Variants in NBAS observed in about 807,000 individuals in gnomAD.
NBAS encodes NBAS subunit of NRZ tethering complex, also known as NAG/BC035112 fusion.
In NBAS, 219 loss-of-function variants were observed where a neutral mutation model predicts 302.5. The observed-to-expected ratio is 0.72, with a 90% CI of 0.65 to 0.81. The LOEUF (loss-of-function observed/expected upper bound fraction) is 0.81. Ranked by LOEUF, NBAS falls within the 30% of genes least tolerant of loss-of-function variation. The probability of loss-of-function intolerance (pLI) is 0.00; values close to 1 mark genes in which losing one functional copy is unlikely to be tolerated. For synonymous variants in NBAS, 1,118 were observed against 1,021.6 expected (o/e 1.09, Z -1.80); for missense variants, 2,932 against 2,841.6 (o/e 1.03, Z -0.72).
chr2:15,322,436 T>C (rs1164870884), intron 38 of NBAS, among the ~76,000 whole-genome samples: 2 of 152,026 alleles, frequency 1.3e-5, no homozygotes, highest in Non-Finnish European at 2.9e-5. Context: ...CAGAAATCTA[T>C]GCTTAAGCCT....
At chr2:15,378,487 A>C (rs945783479) in intron 30 of NBAS, among the ~76,000 whole-genome samples, 2 of 152,202 alleles carry the variant, frequency 1.3e-5, no homozygotes, top group Admixed American at 1.3e-4. Flanking sequence ...TTACATCCCA[A>C]TAAACCCATT....
intron 6 of NBAS, among the ~76,000 whole-genome samples, chr2:15,541,571 T>C (rs975859469): frequency 3.3e-5 from 5 of 152,066 alleles, no homozygotes; most frequent in African/African-American, 9.7e-5. Context: ...GTTAAAAGTA[T>C]ACAAAAAAAT....
At chr2:15,106,909 C>T in the NBAS span, among the ~76,000 whole-genome samples, 1 of 152,090 alleles carries the variant, frequency 6.6e-6, no homozygotes, top group East Asian at 1.9e-4. Context: ...GTATAAAACA[C>T]ATCCCTCATG....
chr2:15,099,320 G>C, the NBAS span, among the ~76,000 whole-genome samples: 2 of 151,844 alleles, frequency 1.3e-5, no homozygotes, highest in Non-Finnish European at 1.5e-5. Context: ...CCAAAAAAAA[G>C]TTTTAGGTGA....
chr2:14,796,937 A>T, the NBAS span, among the ~76,000 whole-genome samples: 2 of 150,032 alleles, frequency 1.3e-5, no homozygotes, highest in Non-Finnish European at 3.0e-5. Flanking sequence ...AAAAAAAAAA[A>T]AAATTAGCCG....
chr2:14,870,118 G>C, the NBAS span, among the ~76,000 whole-genome samples: 5 of 152,284 alleles, frequency 3.3e-5, no homozygotes, highest in South Asian at 6.2e-4. Context: ...GTATATCAAT[G>C]ATCCCTATAA....
chr2:15,308,991 C>T (rs1053902705), intron 39 of NBAS, among the ~76,000 whole-genome samples, 180 bp downstream of exon 39: 2 of 151,342 alleles, frequency 1.3e-5, no homozygotes, highest in African/African-American at 4.9e-5. Flanking sequence ...GCACATTGTG[C>T]ACATGTACCC....
Position 15,473,466 on chromosome 2 carries a change from G to A in NBAS, c.1600-119C>T. The A allele has an allele frequency of 3.1e-6, 4 of 1,288,540 alleles. No individual in the cohort carries two copies. In the South Asian group the frequency reaches 5.1e-5, roughly 16 times the overall value. 79.8% of individuals were successfully genotyped at this position (1,288,540 alleles called of 1,614,324 possible). ...CTTATCCAGCATGTCACTAATTCCT[G>A]TGCACTGTGGCACCAGAAGCTCACA... On this transcript the variant is annotated intron_variant, in intron 15 of 51. Transcript: ENST00000281513.
In NBAS at chr2:15,275,653, T is replaced by C. The variant is rs777936334; in HGVS notation, c.5555A>G (p.Gln1852Arg). 11 of 1,614,094 alleles carry C rather than the reference T, an allele frequency of 6.8e-6. No homozygotes were observed. The South Asian group carries it at 7.7e-5, about 11-fold the overall frequency. ...SPSSLYTIWL[Q>R]KLFWTGDPHL... is the part of the protein sequence containing the mutation. The stretch of plus-strand genomic sequence containing the variant: ...AGGGTCTCCAGTCCAGAACAACTTC[T>C]GTAACCAGATGGTGTACAGAGAGCT... Residue 1852 changes from glutamine to arginine, a missense_variant, in exon 44 of 52, where the codon CAG becomes CGG. Gln to Arg is a conservative substitution (Grantham distance 43). Coordinates refer to ENST00000281513, the MANE Select transcript of NBAS (RefSeq NM_015909.4).
At chr2:14,942,340 T>C in the NBAS span, among the ~76,000 whole-genome samples, 1 of 152,062 alleles carries the variant, frequency 6.6e-6, no homozygotes, top group Non-Finnish European at 1.5e-5. Flanking sequence ...TTCTCATGAG[T>C]AGTTTAGTGC....
intron 29 of NBAS, among the ~76,000 whole-genome samples, chr2:15,382,210 T>C (rs61176850): frequency 0.02 from 3,016 of 152,206 alleles, 88 homozygotes; most frequent in African/African-American, 0.067. Flanking sequence ...GACACACGCG[T>C]GCACGCACAC....
At chr2:14,792,998 T>C in the NBAS span, among the ~76,000 whole-genome samples, 361 of 152,282 alleles carry the variant, frequency 2.4e-3, 3 homozygotes, top group African/African-American at 7.7e-3. Context: ...AGGGCCTTGA[T>C]CTGATAATAC....
At chr2:15,388,359 C>T (rs1324875319) in intron 28 of NBAS, among the ~76,000 whole-genome samples, 2 of 151,564 alleles carry the variant, frequency 1.3e-5, no homozygotes, top group African/African-American at 4.9e-5. Context: ...ATAATGTTTT[C>T]CACTTCACTA....
At chr2:15,447,193 G>A (rs902154355) in intron 21 of NBAS, among the ~76,000 whole-genome samples, 2 of 152,194 alleles carry the variant, frequency 1.3e-5, no homozygotes, top group African/African-American at 2.4e-5. Flanking sequence ...AATACAAACA[G>A]TAAGTCCCAG....
At chr2:15,347,523 T>G (rs1424280969) in intron 35 of NBAS, among the ~76,000 whole-genome samples, 1 of 152,244 alleles carries the variant, frequency 6.6e-6, no homozygotes, top group African/African-American at 2.4e-5. Flanking sequence ...ACTAGCTCTA[T>G]ACTTAGCCCA....
chr2:14,907,831 T>G, the NBAS span, among the ~76,000 whole-genome samples: 1 of 152,226 alleles, frequency 6.6e-6, no homozygotes, highest in East Asian at 1.9e-4. Context: ...CTTTATCAGC[T>G]CTGCCATGAA....
At chr2:15,328,109 A>C in intron 37 of NBAS, 90 bp downstream of exon 37, 1 of 1,318,676 alleles carries the variant, frequency 7.6e-7, no homozygotes, top group Non-Finnish European at 1.1e-6. Context: ...AAGACAAATA[A>C]GTATATTTTC....
the NBAS span, among the ~76,000 whole-genome samples, chr2:14,979,848 G>A: frequency 6.6e-6 from 1 of 152,170 alleles, no homozygotes; most frequent in African/African-American, 2.4e-5. Context: ...AAAAGTGTAG[G>A]CCTGTAATTG....
At position 15,511,571 on chromosome 2, in the gene NBAS, C is replaced by G. The variant is rs928022937; in HGVS notation, c.747-221G>C. ...TACTAAGGCTTAAATATTCAGGCACCTGAAATGCAGGTGGGAACTTAGAAA... is the reference window on the plus strand; with the variant it reads ...TACTAAGGCTTAAATATTCAGGCACGTGAAATGCAGGTGGGAACTTAGAAA... On this transcript the variant is annotated intron_variant, in intron 9 of 51. Coordinates refer to ENST00000281513, the MANE Select transcript of NBAS (RefSeq NM_015909.4). Among the ~76,000 whole-genome samples the G allele has an allele frequency of 3.9e-5, 6 of 152,098 alleles. No homozygotes were observed. In the South Asian group the frequency reaches 1.2e-3, roughly 32 times the overall value.
Sources: allele counts gnomAD v4.1 joint callset (sites outside exome capture counted in the v4.1 genomes callset), GRCh38; gene constraint gnomAD v4.1.1; transcripts MANE v1.5; gene names NCBI Gene and HGNC (gene_info 2026-07-23, HGNC 2026-07-21).